Variants in RASSF9 observed in about 807,000 individuals in gnomAD.
The protein encoded by RASSF9 is Ras association domain family member 9.
Under a neutral mutation model 21.4 loss-of-function variants are expected in RASSF9, and 18 were observed. The observed-to-expected ratio is 0.84, with a 90% CI of 0.58 to 1.25. The LOEUF (loss-of-function observed/expected upper bound fraction) is 1.25. Ranked by LOEUF, RASSF9 falls within the 50% of genes most tolerant of loss-of-function variation. The probability of loss-of-function intolerance (pLI) is 0.00; values close to 1 mark genes in which losing one functional copy is unlikely to be tolerated. For missense variants in RASSF9, 480 were observed against 503.2 expected (o/e 0.95, Z 0.44); for synonymous variants, 183 against 179.1 (o/e 1.02, Z -0.18).
intron 1 of RASSF9, among the ~76,000 whole-genome samples, chr12:85,812,590 T>A (rs1196586735): frequency 6.6e-6 from 1 of 151,322 alleles, no homozygotes; most frequent in Non-Finnish European, 1.5e-5. Flanking sequence ...TAGCTAAATC[T>A]TTTTTTCTAA....
intron 1 of RASSF9, among the ~76,000 whole-genome samples, chr12:85,820,384 A>C (rs1880180478): frequency 6.6e-6 from 1 of 152,192 alleles, no homozygotes; most frequent in African/African-American, 2.4e-5. Context: ...AACACAGTGA[A>C]ATTTCTTCAC....
chr12:85,821,671 GTGTGT>G (rs1394496890), intron 1 of RASSF9, among the ~76,000 whole-genome samples: 1 of 152,098 alleles, frequency 6.6e-6, no homozygotes, highest in Non-Finnish European at 1.5e-5. Flanking sequence ...GTGTGTGTGT[GTGTGT>G]TTATTTGTAT....
At chr12:85,817,696 G>A (rs1162896023) in intron 1 of RASSF9, among the ~76,000 whole-genome samples, 2 of 151,808 alleles carry the variant, frequency 1.3e-5, no homozygotes, top group Admixed American at 1.3e-4. Context: ...ATATGATTTG[G>A]TATTAAGGTT....
intron 1 of RASSF9, among the ~76,000 whole-genome samples, chr12:85,835,504 G>C (rs530393361): frequency 6.6e-6 from 1 of 151,922 alleles, no homozygotes; most frequent in African/African-American, 2.4e-5. Context: ...TAATAATAAG[G>C]ATTAGAGAGG....
chr12:85,834,680 C>T (rs1880522355), intron 1 of RASSF9, among the ~76,000 whole-genome samples: 1 of 151,974 alleles, frequency 6.6e-6, no homozygotes. Context: ...TTTATGAAAC[C>T]ATAAAGTTTT....
At chr12:85,827,716 T>G (rs1247777424) in intron 1 of RASSF9, among the ~76,000 whole-genome samples, 2 of 152,188 alleles carry the variant, frequency 1.3e-5, no homozygotes, top group Non-Finnish European at 2.9e-5. Context: ...TCAACCTGGC[T>G]AAAACAGTCT....
rs1879760869 is a variant in RASSF9, at chr12:85,804,127, T to C, written c.*575A>G. 6.6e-6 allele frequency: 1 copy of C among 152,414 alleles called. No individual in the cohort carries two copies. The highest frequency in any genetic ancestry group is 1.5e-5 in the Non-Finnish European group (1 of 68,184). The allele number at this position is 152,414 out of a possible 1,614,324, so 9.4% of individuals were successfully genotyped here. On this transcript the variant is annotated 3_prime_UTR_variant, in exon 2 of 2. Coordinates refer to ENST00000361228, the MANE Select transcript of RASSF9 (RefSeq NM_005447.4). ...CTGATTCCCTGCCAGTATTTATACATGTCCCAACAGCAGCCTGTTTCATAG... is the reference window on the plus strand; with the variant it reads ...CTGATTCCCTGCCAGTATTTATACACGTCCCAACAGCAGCCTGTTTCATAG...
intron 1 of RASSF9, among the ~76,000 whole-genome samples, chr12:85,807,129 T>A (rs866895737): frequency 7.2e-5 from 11 of 152,094 alleles, no homozygotes; most frequent in South Asian, 2.1e-4. Flanking sequence ...CCCAAGGAGG[T>A]GACATTTGAA....
chr12:85,835,302 C>A (rs1405408704), intron 1 of RASSF9, among the ~76,000 whole-genome samples: 1 of 151,942 alleles, frequency 6.6e-6, no homozygotes, highest in Non-Finnish European at 1.5e-5. Flanking sequence ...AAAAATATAG[C>A]CCATGTCTAA....
chr12:85,805,137 T>C lies in RASSF9; in HGVS notation c.873A>G (p.Val291=), dbSNP rs1478249512. The part of the protein sequence containing the change: ...DKLSAEIEKE[V]KSVCIDINED... ...CATTTATATCAATGCAAACACTTTT[T>C]ACCTCTTTTTCTATTTCAGCAGAGA... Residue 291 remains valine (V), a synonymous_variant, in exon 2 of 2, where the codon GTA becomes GTG. Transcript: ENST00000361228. 14 of 1,613,876 alleles carry C rather than the reference T, an allele frequency of 8.7e-6. No homozygotes were observed. The highest frequency in any genetic ancestry group is 2.7e-5 in the African/African-American group (2 of 74,940).
chr12:85,811,855 A>G (rs7966596), intron 1 of RASSF9, among the ~76,000 whole-genome samples: 36,834 of 151,676 alleles, frequency 0.24, 5,584 homozygotes, highest in South Asian at 0.36. Flanking sequence ...AATTCAGAGT[A>G]CCATCTTACT....
chr12:85,816,328 T>C (rs1360987503), intron 1 of RASSF9, among the ~76,000 whole-genome samples: 2 of 149,966 alleles, frequency 1.3e-5, no homozygotes, highest in East Asian at 3.9e-4. Context: ...AAAAAAGCAA[T>C]GGTTACTAAT....
chr12:85,814,315 C>T (rs1340820800), intron 1 of RASSF9, among the ~76,000 whole-genome samples: 1 of 151,954 alleles, frequency 6.6e-6, no homozygotes, highest in East Asian at 1.9e-4. Context: ...CATCAGGTGG[C>T]ACTGTTGACA....
At chr12:85,815,723 T>C (rs1880049948) in intron 1 of RASSF9, among the ~76,000 whole-genome samples, 1 of 140,736 alleles carries the variant, frequency 7.1e-6, no homozygotes. Flanking sequence ...TATGACGCAT[T>C]GGTCGCATGT....
At position 85,800,984 on chromosome 12, in the gene RASSF9, T is replaced by A. The variant is rs1879686028; in HGVS notation, c.*3718A>T. ...TATTTAAATAAATATAAAAATAAAA[T>A]TTTAATGGATTAGAATAGCTTCTAC... On this transcript the variant is annotated 3_prime_UTR_variant, in exon 2 of 2. Transcript: ENST00000361228. The A allele has an allele frequency of 1.3e-5, 2 of 151,996 alleles. No individual in the cohort carries two copies. The highest frequency in any genetic ancestry group is 4.1e-4 in the South Asian group (2 of 4,822). 9.4% of individuals were successfully genotyped at this position (151,996 alleles called of 1,614,324 possible).
At chr12:85,812,589 CT>C (rs1344656134) in intron 1 of RASSF9, among the ~76,000 whole-genome samples, 5 of 150,982 alleles carry the variant, frequency 3.3e-5, no homozygotes, top group East Asian at 1.9e-4. Flanking sequence ...TTAGCTAAAT[CT>C]TTTTTTCTAA....
In RASSF9 at chr12:85,805,150, A is replaced by G; in HGVS notation, c.860T>C (p.Ile287Thr). The part of the protein sequence containing the change: ...RILIDKLSAE[I>T]EKEVKSVCID... ...GCAAACACTTTTTACCTCTTTTTCTATTTCAGCAGAGAGCTTATCAATGAG... is the reference window on the plus strand; with the variant it reads ...GCAAACACTTTTTACCTCTTTTTCTGTTTCAGCAGAGAGCTTATCAATGAG... The change falls in exon 2 of 2, where the codon ATA (isoleucine) becomes ACA (threonine). Residue 287 changes from isoleucine (I) to threonine (T), a missense_variant. Transcript: ENST00000361228. 19 of 1,613,770 alleles carry G rather than the reference A, an allele frequency of 1.2e-5. No homozygotes were observed. Among genetic ancestry groups the G allele is most frequent in the Non-Finnish European group, 1.6e-5 (19 of 1,179,864 alleles).
chr12:85,820,051 C>CAAACTAT (rs1229765023), intron 1 of RASSF9, among the ~76,000 whole-genome samples: 4 of 152,176 alleles, frequency 2.6e-5, no homozygotes, highest in African/African-American at 4.8e-5. Context: ...ACAGTGTTGG[C>CAAACTAT]AAACTATAGC....
Position 85,836,167 on chromosome 12 carries a change from C to T in RASSF9, c.35G>A (p.Arg12Gln). Residue 12 changes from arginine (R) to glutamine (Q), a missense_variant, in exon 1 of 2, where the codon CGG (arginine) becomes CAG (glutamine). By Grantham distance (43) the Arg-to-Gln change is conservative (BLOSUM62 1). Coordinates refer to ENST00000361228, the MANE Select transcript of RASSF9 (RefSeq NM_005447.4). ...APFGRNLLKT[R>Q]HKNRSPTKDM... is the part of the protein sequence containing the mutation. Reference sequence around the variant, plus strand: ...CGCTTGACTTTACCTGTTTTTATGCCGAGTCTTTAGCAAGTTTCTTCCAAA... The same window carrying T: ...CGCTTGACTTTACCTGTTTTTATGCTGAGTCTTTAGCAAGTTTCTTCCAAA... The T allele has an allele frequency of 6.5e-7, 1 of 1,542,460 alleles. No individual in the cohort carries two copies.
Sources: gnomAD v4.1 joint callset for allele counts (sites outside exome capture counted in the v4.1 genomes callset) on GRCh38, gnomAD v4.1.1 for gene constraint, MANE v1.5 for transcripts, NCBI Gene and HGNC (gene_info 2026-07-23, HGNC 2026-07-21) for gene names.